Variants in USP34 observed in about 807,000 individuals in gnomAD.
USP34 encodes the protein ubiquitin carboxyl-terminal hydrolase 34.
In USP34, 70 loss-of-function variants were observed where a neutral mutation model predicts 460.3. The ratio of observed to expected loss-of-function variants is 0.15; its 90% CI spans 0.13 to 0.19. The LOEUF (loss-of-function observed/expected upper bound fraction) is 0.19. USP34 is among the 10% of genes least tolerant of loss of function. The probability of loss-of-function intolerance (pLI) is 1.00; values close to 1 mark genes in which losing one functional copy is unlikely to be tolerated. For missense variants in USP34, 3,985 were observed against 4,236.2 expected, an observed-to-expected ratio of 0.94 and a Z score of 1.65; for synonymous variants, 1,647 against 1,405.3, an observed-to-expected ratio of 1.17 and a Z score of -3.85.
intron 29 of USP34, among the ~76,000 whole-genome samples, chr2:61,298,197 C>T (rs1241101305): frequency 6.6e-6 from 1 of 151,466 alleles, no homozygotes; most frequent in Non-Finnish European, 1.5e-5. Context: ...CAAAAAATCC[C>T]TGTTATCAAC....
At chr2:61,323,415 TG>T (rs1227723934) in intron 21 of USP34, among the ~76,000 whole-genome samples, 9 of 149,708 alleles carry the variant, frequency 6.0e-5, no homozygotes, top group African/African-American at 2.2e-4. Flanking sequence ...CTTGGGAGGC[TG>T]AGGCAAGAGA....
intron 62 of USP34, among the ~76,000 whole-genome samples, chr2:61,224,306 T>G (rs1451758276): frequency 6.6e-6 from 1 of 152,224 alleles, no homozygotes; most frequent in African/African-American, 2.4e-5. Context: ...CTTTGCTGAT[T>G]GTATCCTTAT....
At chr2:61,362,555 C>G (rs1182316602) in intron 10 of USP34, among the ~76,000 whole-genome samples, 4 of 151,974 alleles carry the variant, frequency 2.6e-5, no homozygotes, top group Admixed American at 1.3e-4. Context: ...TGAAATAAAC[C>G]AGACAAAGAG....
intron 2 of USP34, among the ~76,000 whole-genome samples, chr2:61,412,134 AG>A: frequency 6.8e-6 from 1 of 148,048 alleles, no homozygotes; most frequent in Non-Finnish European, 1.5e-5. Context: ...GGCTGCAGTG[AG>A]CCGAGATCAT....
At position 61,190,585 on chromosome 2, in the gene USP34, A is replaced by C; in HGVS notation, c.9662T>G (p.Leu3221Arg). 1 of 1,614,126 alleles carries C rather than the reference A, an allele frequency of 6.2e-7. No homozygotes were observed. Among genetic ancestry groups the C allele is most frequent in the Non-Finnish European group, 8.5e-7 (1 of 1,179,986 alleles). Residue 3221 changes from leucine to arginine, a missense_variant, in exon 77 of 80, where the codon CTA (leucine) becomes CGA (arginine). Physicochemically the swap from Leu to Arg is moderately radical, Grantham distance 102. Around this residue, in one of 14 missense-constraint regions of USP34, gnomAD observed 506 missense variants for 439.0 expected, o/e 1.15. Transcript: ENST00000398571. ...GTTTAAAAAAGTTCTTTCATCCATTAGGATACATTTAATATATTCTGCGAA... is the reference window on the plus strand; with the variant it reads ...GTTTAAAAAAGTTCTTTCATCCATTCGGATACATTTAATATATTCTGCGAA... Reference protein sequence around the residue: ...PVFAEYIKCILMDERTFLNNN... With the variant: ...PVFAEYIKCIRMDERTFLNNN...
chr2:61,440,339 G>A (rs1694928658), intron 1 of USP34, among the ~76,000 whole-genome samples: 1 of 152,114 alleles, frequency 6.6e-6, no homozygotes, highest in South Asian at 2.1e-4. Context: ...TGCCCAGACA[G>A]GACATCAGGA....
chr2:61,267,072 C>T (rs1421017196), intron 41 of USP34, among the ~76,000 whole-genome samples: 3 of 152,210 alleles, frequency 2.0e-5, no homozygotes, highest in Non-Finnish European at 2.9e-5. Context: ...CAATACATCA[C>T]ATGCGTTGTC....
intron 1 of USP34, among the ~76,000 whole-genome samples, chr2:61,422,353 A>G (rs557541239): frequency 1.1e-4 from 16 of 152,170 alleles, no homozygotes; most frequent in Non-Finnish European, 1.9e-4. Context: ...ACACATTCTG[A>G]AAAAAAGTTT....
chr2:61,438,711 T>C (rs1164287809), intron 1 of USP34, among the ~76,000 whole-genome samples: 2 of 152,184 alleles, frequency 1.3e-5, no homozygotes, highest in African/African-American at 4.8e-5. Flanking sequence ...ACAGCTATCA[T>C]CTTACTCAAC....
intron 1 of USP34, among the ~76,000 whole-genome samples, chr2:61,452,905 CAA>C (rs57925421): frequency 5.2e-4 from 66 of 127,140 alleles, no homozygotes; most frequent in African/African-American, 1.8e-3. Flanking sequence ...ACCCCACAAC[CAA>C]AAAAAAAAAA....
intron 1 of USP34, among the ~76,000 whole-genome samples, chr2:61,453,970 TAAGAAAATGCTCATAA>T (rs1695358208): frequency 6.6e-6 from 1 of 151,914 alleles, no homozygotes; most frequent in Admixed American, 6.6e-5. Flanking sequence ...GAGCATTTTA[TAAGAAAATGCTCATAA>T]AAAACAGTAG....
chr2:61,467,149 A>G (rs1055908645), intron 1 of USP34, among the ~76,000 whole-genome samples: 13 of 152,050 alleles, frequency 8.5e-5, no homozygotes, highest in Middle Eastern at 3.4e-3. Context: ...CTAAAAATAC[A>G]AAAATTAGCT....
intron 5 of USP34, among the ~76,000 whole-genome samples, chr2:61,387,767 AAT>A (rs1292985937): frequency 1.7e-4 from 25 of 149,078 alleles, no homozygotes; most frequent in African/African-American, 6.1e-4. Context: ...ACACATGTAA[AAT>A]ATATTTTTAC....
At position 61,470,669 on chromosome 2, in the gene USP34, C is replaced by G. The variant is rs1387051099; in HGVS notation, c.24G>C (p.Leu8=). Residue 8 remains leucine (L), a synonymous_variant, in exon 1 of 80, where the codon CTG becomes CTC. Coordinates refer to ENST00000398571, the MANE Select transcript of USP34 (RefSeq NM_014709.4). The part of the protein sequence containing the change: MCENCAD[L]VEVLNEISDV... Reference sequence around the variant, plus strand: ...ACTTACTTTCATTTAACACCTCCACCAGGTCTGCGCAGTTCTCGCACATCG... The same window carrying G: ...ACTTACTTTCATTTAACACCTCCACGAGGTCTGCGCAGTTCTCGCACATCG... 1.6e-5 allele frequency: 26 copies of G among 1,595,448 alleles called. No individual in the cohort carries two copies. The highest frequency in any genetic ancestry group is 2.8e-5 in the African/African-American group (2 of 72,450).
At position 61,266,079 on chromosome 2, in the gene USP34, C is replaced by G; in HGVS notation, c.5522G>C (p.Arg1841Thr). 1.2e-6 allele frequency: 2 copies of G among 1,614,006 alleles called. No individual in the cohort carries two copies. The highest frequency in any genetic ancestry group is 1.3e-5 in the African/African-American group (1 of 75,036). Residue 1841 changes from arginine (R) to threonine (T), a missense_variant, in exon 42 of 80, where the codon AGA (arginine) becomes ACA (threonine). Physicochemically the swap from Arg to Thr is moderately conservative, Grantham distance 71. Around this residue, in one of 14 missense-constraint regions of USP34, gnomAD observed 1,114 missense variants for 1,122.5 expected, o/e 0.99. Coordinates refer to ENST00000398571, the MANE Select transcript of USP34 (RefSeq NM_014709.4). ...TACTAACAAATCGTAAGCGGCAGCT[C>G]TTGAAGAATGTGATTTGCACTTTGG... ...QQPKCKSHSSRAAAYDLLVEM... is the reference protein window; with the variant it reads ...QQPKCKSHSSTAAAYDLLVEM...
chr2:61,282,181 G>A (rs983157007), intron 37 of USP34, among the ~76,000 whole-genome samples: 1 of 152,120 alleles, frequency 6.6e-6, no homozygotes, highest in African/African-American at 2.4e-5. Flanking sequence ...AGTAGGGATA[G>A]GGTTTCACCA....
intron 75 of USP34, among the ~76,000 whole-genome samples, chr2:61,199,080 A>C (rs1686893360): frequency 6.6e-6 from 1 of 152,056 alleles, no homozygotes; most frequent in African/African-American, 2.4e-5. Context: ...TTTGTGTTTT[A>C]ATTCAGTTTA....
intron 58 of USP34, 115 bp from the exon 59 acceptor site, chr2:61,229,748 T>G: frequency 1.2e-6 from 1 of 843,380 alleles, no homozygotes; most frequent in Non-Finnish European, 1.8e-6. Flanking sequence ...CAAGATTATC[T>G]TGGTATTCTG....
At chr2:61,215,926 C>T (rs1687382670) in intron 67 of USP34, among the ~76,000 whole-genome samples, 1 of 152,144 alleles carries the variant, frequency 6.6e-6, no homozygotes. Context: ...GATTCACAGG[C>T]TAATAATGCT....
Sources: gnomAD v4.1 joint callset for allele counts (sites outside exome capture counted in the v4.1 genomes callset) on GRCh38, gnomAD v4.1.1 for gene constraint, gnomAD v4.1.1 regional missense constraint, MANE v1.5 for transcripts, NCBI Gene and HGNC (gene_info 2026-07-23, HGNC 2026-07-21) for gene names.